GRK2: variants seen among roughly 807,000 people sequenced by gnomAD.
GRK2 encodes the protein adrenergic beta receptor kinase 1.
In GRK2, 23 loss-of-function variants were observed where a neutral mutation model predicts 97.8. That is an observed-to-expected ratio of 0.24 (90% confidence interval 0.17 to 0.33). The LOEUF (loss-of-function observed/expected upper bound fraction) is 0.33, where lower values mean the gene tolerates loss of function less well. Ranked by LOEUF, GRK2 falls within the 10% of genes least tolerant of loss-of-function variation. The probability of loss-of-function intolerance (pLI) is 1.00; values close to 1 mark genes in which losing one functional copy is unlikely to be tolerated. For synonymous variants in GRK2, 425 were observed against 381.7 expected, an observed-to-expected ratio of 1.11 and a Z score of -1.32; for missense variants, 633 against 956.9, an observed-to-expected ratio of 0.66 and a Z score of 4.47.
chr11:67,275,948 C>T (rs991378555), intron 1 of GRK2, among the ~76,000 whole-genome samples: 3 of 152,208 alleles, frequency 2.0e-5, no homozygotes, highest in African/African-American at 7.2e-5. Flanking sequence ...TACACAGTGC[C>T]TCAGGGGTAG....
In GRK2 at chr11:67,281,621, C is replaced by T; in HGVS notation, c.748-29C>T. 2.0e-6 allele frequency: 3 copies of T among 1,476,612 alleles called. No homozygotes were observed. Among genetic ancestry groups the T allele is most frequent in the East Asian group, 2.3e-5 (1 of 44,054 alleles). The allele number at this position is 1,476,612 out of a possible 1,614,324, so 91.5% of individuals were successfully genotyped here. On this transcript the variant is annotated intron_variant, in intron 9 of 20. Coordinates refer to ENST00000308595, the MANE Select transcript of GRK2 (RefSeq NM_001619.5). This position sits in a 1 kb window ranked among gnomAD's most constrained non-coding sequence, Gnocchi z 5.7. The stretch of plus-strand genomic sequence containing the variant: ...AACCCCGGGCGCCCCTGCTAACTGC[C>T]CGCCCCCTCCCCTCCTCTCCCCTCC...
intron 2 of GRK2, among the ~76,000 whole-genome samples, chr11:67,277,842 C>T (rs1014499542): frequency 3.3e-5 from 5 of 152,216 alleles, no homozygotes; most frequent in African/African-American, 9.6e-5. Flanking sequence ...ACCCACCCTG[C>T]GGACCTGGCC....
Position 67,285,195 on chromosome 11 carries a change from G to T in GRK2, c.1905+7G>T, listed in dbSNP as rs201430849. 1 of 1,613,308 alleles carries T rather than the reference G, an allele frequency of 6.2e-7. No homozygotes were observed. The highest frequency in any genetic ancestry group is 8.5e-7 in the Non-Finnish European group (1 of 1,179,864). On this transcript the variant is annotated splice_region_variant and intron_variant, in intron 20 of 20. Coordinates refer to ENST00000308595, the MANE Select transcript of GRK2 (RefSeq NM_001619.5). ...GTTCATTTTGCAGTGCGATGTGAGTGGGGGCTGAGCCAGGGATGGGAGGGC... is the reference window on the plus strand; with the variant it reads ...GTTCATTTTGCAGTGCGATGTGAGTTGGGGCTGAGCCAGGGATGGGAGGGC...
chr11:67,281,211 A>C lies in GRK2; in HGVS notation c.647+27A>C, dbSNP rs535250523. 6.3e-7 allele frequency: 1 copy of C among 1,593,286 alleles called. No homozygotes were observed. Among genetic ancestry groups the C allele is most frequent in the Non-Finnish European group, 8.6e-7 (1 of 1,164,802 alleles). On this transcript the variant is annotated intron_variant, in intron 8 of 20. Coordinates refer to ENST00000308595, the MANE Select transcript of GRK2 (RefSeq NM_001619.5). This position sits in a 1 kb window ranked among gnomAD's most constrained non-coding sequence, Gnocchi z 5.7. ...TGAGCACCCTGCTCGGCGCGGTGGG[A>C]TACCTCGGGGAGCCGGGCTCCTGGG...
intron 2 of GRK2, among the ~76,000 whole-genome samples, chr11:67,277,812 G>C (rs1860067352): frequency 6.6e-6 from 1 of 152,198 alleles, no homozygotes; most frequent in African/African-American, 2.4e-5. Flanking sequence ...TCTGATGCCT[G>C]CTGTCAGAAG....
chr11:67,284,699 G>A, intron 18 of GRK2, 148 bp from the exon 19 acceptor site: 1 of 1,085,914 alleles, frequency 9.2e-7, no homozygotes, highest in Non-Finnish European at 1.3e-6. Context: ...TGAGGCGGGA[G>A]GATCGTTTGA....
intron 14 of GRK2, 66 bp from the exon 15 acceptor site, chr11:67,283,062 C>A: frequency 6.6e-7 from 1 of 1,516,144 alleles, no homozygotes; most frequent in Non-Finnish European, 9.2e-7. Context: ...CCCCTCTCTC[C>A]CCTGAGCTGG....
intron 1 of GRK2, 159 bp from the exon 2 acceptor site, chr11:67,277,113 G>A: frequency 1.6e-6 from 1 of 638,098 alleles, no homozygotes; most frequent in South Asian, 1.9e-5. Flanking sequence ...AAGCCTTCTG[G>A]TCTGACCTGT....
In GRK2 at chr11:67,282,034, G is replaced by A. The variant is rs1860163845; in HGVS notation, c.957+82G>A. Reference sequence around the variant, plus strand: ...CGACATCCCGGCCACCAGGCCCAGAGGAGTGGGGCTCCTGGGACATGGCCG... The same window carrying A: ...CGACATCCCGGCCACCAGGCCCAGAAGAGTGGGGCTCCTGGGACATGGCCG... On this transcript the variant is annotated intron_variant, in intron 11 of 20. Coordinates refer to ENST00000308595, the MANE Select transcript of GRK2 (RefSeq NM_001619.5). This position sits in a 1 kb window ranked among gnomAD's most constrained non-coding sequence, Gnocchi z 6.9. The A allele has an allele frequency of 3.8e-6, 6 of 1,574,106 alleles. No homozygotes were observed. Among genetic ancestry groups the A allele is most frequent in the African/African-American group, 1.3e-5 (1 of 74,228 alleles).
At chr11:67,284,132 G>T in intron 17 of GRK2, 79 bp from the exon 18 acceptor site, 1 of 1,581,414 alleles carries the variant, frequency 6.3e-7, no homozygotes. Context: ...CCAGGGCCCT[G>T]GGTCTGGGCA....
chr11:67,274,495 C>CTTTTTTTTTTTTTTTTTTTTTTTTTTTTT lies in GRK2; in HGVS notation c.114-2750_114-2749insTTTTTTTTTTTTTTTTTTTTTTTTTTTTT, dbSNP rs57767154. On this transcript the variant is annotated intron_variant, in intron 1 of 20. Transcript: ENST00000308595. The stretch of plus-strand genomic sequence containing the variant: ...TCGCTACCTTCCGCTTGACCAGCAC[C>CTTTTTTTTTTTTTTTTTTTTTTTTTTTTT]TTTTTTTTTTTTTTTTTTTTTTTTT... Among the ~76,000 whole-genome samples the CTTTTTTTTTTTTTTTTTTTTTTTTTTTTT allele has an allele frequency of 7.6e-4, 17 of 22,480 alleles. 6 individuals are homozygous for CTTTTTTTTTTTTTTTTTTTTTTTTTTTTT. Among genetic ancestry groups the CTTTTTTTTTTTTTTTTTTTTTTTTTTTTT allele is most frequent in the East Asian group, 5.4e-3 (2 of 372 alleles). The allele number at this position is 22,480 out of a possible 152,430, so 14.7% of individuals were successfully genotyped here.
chr11:67,279,298 G>T lies in GRK2; in HGVS notation c.264+25G>T, dbSNP rs769791932. ...GGTGAGACCCAGAGGCCCAAGCCCT[G>T]CTCTGCCTGGAGAAAGGGGAGGAGG... is the stretch of plus-strand genomic sequence containing the variant. On this transcript the variant is annotated intron_variant, in intron 3 of 20. Transcript: ENST00000308595. 7.4e-6 allele frequency: 12 copies of T among 1,612,482 alleles called. No homozygotes were observed. In the Admixed American group the frequency reaches 1.3e-4, roughly 18 times the overall value.
At chr11:67,267,101 T>C (rs1859817953) in intron 1 of GRK2, among the ~76,000 whole-genome samples, 1 of 151,888 alleles carries the variant, frequency 6.6e-6, no homozygotes, top group Admixed American at 6.5e-5. Context: ...TGCTTCCTTA[T>C]CGTGCTCCAC....
Position 67,281,134 on chromosome 11 carries a change from C to T in GRK2, c.597C>T (p.Arg199=), listed in dbSNP as rs890862594. 2.6e-5 allele frequency: 42 copies of T among 1,613,324 alleles called. No individual in the cohort carries two copies. Among genetic ancestry groups the T allele is most frequent in the Middle Eastern group, 1.6e-4 (1 of 6,082 alleles). Residue 199 remains arginine, a synonymous_variant, in exon 8 of 21, where the codon CGC becomes CGT. Transcript: ENST00000308595. The surrounding 1 kb of genome is among the most constrained non-coding windows in gnomAD (Gnocchi z 5.7). ...NDFSVHRIIG[R]GGFGEVYGCR... The stretch of plus-strand genomic sequence containing the variant: ...TCAGCGTGCATCGCATCATTGGGCG[C>T]GGGGGCTTTGGCGAGGTCTATGGGT...
At position 67,286,364 on chromosome 11, in the gene GRK2, C is replaced by T. The variant is rs574273224; in HGVS notation, c.*914C>T. The T allele has an allele frequency of 1.0e-5, 7 of 698,064 alleles. No homozygotes were observed. The South Asian group carries it at 1.0e-4, about 10-fold the overall frequency. 43.2% of individuals were successfully genotyped at this position (698,064 alleles called of 1,614,324 possible). On this transcript the variant is annotated 3_prime_UTR_variant, in exon 21 of 21. Coordinates refer to ENST00000308595, the MANE Select transcript of GRK2 (RefSeq NM_001619.5). ...GCCCACGTCCTGTCAGTGCCGCCGC[C>T]TCGCCCACCGCATGCCCCCTCGTGC...
At chr11:67,280,069 A>C (rs1341514636) in intron 6 of GRK2, 169 bp downstream of exon 6, 4 of 666,960 alleles carry the variant, frequency 6.0e-6, no homozygotes, top group African/African-American at 1.8e-5. Flanking sequence ...GACAGGCTGC[A>C]GGTCATCTCC....
chr11:67,285,313 AAGG>A lies in GRK2; in HGVS notation c.1936_1938del (p.Glu646del). 6.2e-7 allele frequency: 1 copy of A among 1,609,692 alleles called. No individual in the cohort carries two copies. Among genetic ancestry groups the A allele is most frequent in the African/African-American group, 1.3e-5 (1 of 74,878 alleles). The stretch of plus-strand genomic sequence containing the variant: ...CGACCCTGAGCTGGTGCAGTGGAAG[AAGG>A]AGCTGCGCGACGCCTACCGCGAGGC... On this transcript the variant is annotated inframe_deletion, in exon 21 of 21. Coordinates refer to ENST00000308595, the MANE Select transcript of GRK2 (RefSeq NM_001619.5).
chr11:67,280,704 C>T, intron 6 of GRK2, 28 bp from the exon 7 acceptor site: 1 of 1,613,786 alleles, frequency 6.2e-7, no homozygotes, highest in Non-Finnish European at 8.5e-7. Flanking sequence ...TTCTGAGTGG[C>T]CCCTGAGCCC....
Position 67,275,841 on chromosome 11 carries a change from C to G in GRK2, c.114-1431C>G, listed in dbSNP as rs1011747825. Among the ~76,000 whole-genome samples the G allele has an allele frequency of 1.4e-4, 22 of 152,378 alleles. 1 individual carries two copies. The East Asian group carries it at 4.2e-3, about 29-fold the overall frequency. ...CTTTCCAGACCCAGAGGCCTCCTCTCCTTCCCAAGGCTTCTGCACACGCTG... is the reference window on the plus strand; with the variant it reads ...CTTTCCAGACCCAGAGGCCTCCTCTGCTTCCCAAGGCTTCTGCACACGCTG... On this transcript the variant is annotated intron_variant, in intron 1 of 20. Coordinates refer to ENST00000308595, the MANE Select transcript of GRK2 (RefSeq NM_001619.5).
Sources: allele counts gnomAD v4.1 joint callset (sites outside exome capture counted in the v4.1 genomes callset), GRCh38; gene constraint gnomAD v4.1.1; non-coding constraint Gnocchi (gnomAD v3.1); transcripts MANE v1.5; gene names NCBI Gene and HGNC (gene_info 2026-07-23, HGNC 2026-07-21).